The following QTMAN variants were observed in gnomAD, a reference collection of about 807,000 sequenced individuals.
QTMAN encodes tRNA-queuosine alpha-mannosyltransferase.
At chr2:144,286,861 T>C in the QTMAN span, among the ~76,000 whole-genome samples, 98 of 152,332 alleles carry the variant, frequency 6.4e-4, 1 homozygote, top group Admixed American at 2.2e-3. Flanking sequence ...AGTGTACTGT[T>C]TACTGATTGC....
chr2:144,287,241 C>T, the QTMAN span, among the ~76,000 whole-genome samples: 15 of 152,202 alleles, frequency 9.9e-5, no homozygotes, highest in African/African-American at 3.6e-4. Context: ...TCAAGACCAT[C>T]CTGGCTAACA....
chr2:143,991,742 T>G, the QTMAN span, among the ~76,000 whole-genome samples: 2 of 113,224 alleles, frequency 1.8e-5, no homozygotes, highest in South Asian at 3.2e-4. Flanking sequence ...GGTGGGGGGG[T>G]CAGCCCCCCG....
the QTMAN span, among the ~76,000 whole-genome samples, chr2:144,216,616 A>T: frequency 1.3e-5 from 2 of 152,184 alleles, no homozygotes; most frequent in African/African-American, 4.8e-5. Context: ...TCAAATACTG[A>T]TTCTTTTTTA....
At chr2:144,274,429 AC>A in the QTMAN span, among the ~76,000 whole-genome samples, 1 of 152,344 alleles carries the variant, frequency 6.6e-6, no homozygotes, top group Non-Finnish European at 1.5e-5. Flanking sequence ...TTGCCAGGAT[AC>A]AAATCATGTA....
At chr2:144,229,233 T>C in the QTMAN span, among the ~76,000 whole-genome samples, 1 of 152,344 alleles carries the variant, frequency 6.6e-6, no homozygotes, top group Admixed American at 6.5e-5. Flanking sequence ...TGTACTATTC[T>C]TGGGATAATT....
the QTMAN span, among the ~76,000 whole-genome samples, chr2:144,026,193 G>A: frequency 1.3e-5 from 2 of 152,134 alleles, no homozygotes; most frequent in Non-Finnish European, 2.9e-5. Flanking sequence ...CAGCACTTTG[G>A]GAGGCCGAGG....
At chr2:143,953,560 TATGGGAAGTTTTTCTTTA>T in the QTMAN span, among the ~76,000 whole-genome samples, 1 of 151,854 alleles carries the variant, frequency 6.6e-6, no homozygotes, top group Non-Finnish European at 1.5e-5. Context: ...TTGACCCACC[TATGGGAAGTTTTTCTTTA>T]CGTCACAGTA....
the QTMAN span, among the ~76,000 whole-genome samples, chr2:144,329,625 C>T: frequency 1.3e-5 from 2 of 152,146 alleles, no homozygotes; most frequent in South Asian, 4.1e-4. Context: ...AATGTTCTTT[C>T]CCAATATCAG....
chr2:143,947,707 T>A, the QTMAN span, among the ~76,000 whole-genome samples: 1 of 152,202 alleles, frequency 6.6e-6, no homozygotes, highest in Non-Finnish European at 1.5e-5. Context: ...GAAGATCACC[T>A]AGAATCAGGT....
At chr2:143,948,869 C>T in the QTMAN span, among the ~76,000 whole-genome samples, 2 of 151,992 alleles carry the variant, frequency 1.3e-5, no homozygotes, top group African/African-American at 4.8e-5. Context: ...TAGGAGTCAT[C>T]GAAGAGCTCC....
At chr2:144,298,711 A>C in the QTMAN span, among the ~76,000 whole-genome samples, 2 of 152,184 alleles carry the variant, frequency 1.3e-5, no homozygotes, top group Non-Finnish European at 2.9e-5. Context: ...AAGGTCAGGA[A>C]AGGGAGGAGA....
At chr2:143,979,557 C>T in the QTMAN span, among the ~76,000 whole-genome samples, 1 of 152,140 alleles carries the variant, frequency 6.6e-6, no homozygotes, top group African/African-American at 2.4e-5. Context: ...TACTGTTTGG[C>T]GAGTAGGCTT....
the QTMAN span, among the ~76,000 whole-genome samples, chr2:143,960,961 C>A: frequency 6.6e-6 from 1 of 152,134 alleles, no homozygotes; most frequent in Non-Finnish European, 1.5e-5. Context: ...GCTGAGAAAT[C>A]TCCAAGGTCC....
chr2:144,037,823 G>T, the QTMAN span, among the ~76,000 whole-genome samples: 1 of 152,114 alleles, frequency 6.6e-6, no homozygotes, highest in Non-Finnish European at 1.5e-5. Flanking sequence ...GATATAAAAA[G>T]CTCCTCATAA....
chr2:143,951,411 A>G, the QTMAN span, among the ~76,000 whole-genome samples: 1 of 151,602 alleles, frequency 6.6e-6, no homozygotes, highest in African/African-American at 2.4e-5. Context: ...TGCTGTTTAC[A>G]CTATTTTCCC....
the QTMAN span, chr2:144,235,735 T>A: frequency 6.6e-6 from 1 of 152,548 alleles, no homozygotes; most frequent in Non-Finnish European, 1.5e-5. Context: ...AATGCAGAGA[T>A]ACCTGTAAGA....
At chr2:144,110,772 T>A in the QTMAN span, among the ~76,000 whole-genome samples, 1 of 151,778 alleles carries the variant, frequency 6.6e-6, no homozygotes, top group African/African-American at 2.4e-5. Context: ...TGCAACTTAT[T>A]TCCATTCAAA....
the QTMAN span, among the ~76,000 whole-genome samples, chr2:143,960,149 T>C: frequency 6.6e-6 from 1 of 152,116 alleles, no homozygotes; most frequent in African/African-American, 2.4e-5. Context: ...ACTAGGATCT[T>C]TGGGTCATAT....
At chr2:144,116,026 T>A in the QTMAN span, among the ~76,000 whole-genome samples, 3 of 152,122 alleles carry the variant, frequency 2.0e-5, no homozygotes, top group Non-Finnish European at 2.9e-5. Flanking sequence ...AGAAATCTCC[T>A]GAGTAACTGT....
Sources: gnomAD v4.1 joint callset for allele counts (sites outside exome capture counted in the v4.1 genomes callset) on GRCh38, gnomAD v4.1.1 for gene constraint, MANE v1.5 for transcripts, NCBI Gene and HGNC (gene_info 2026-07-23, HGNC 2026-07-21) for gene names.